The following PEAK1 variants were observed in gnomAD, a reference collection of about 807,000 sequenced individuals.
PEAK1 encodes the protein inactive tyrosine-protein kinase PEAK1.
A neutral mutation model predicts 124.7 loss-of-function variants in PEAK1; 54 were observed. The observed-to-expected ratio is 0.43, with a 90% CI of 0.35 to 0.54. PEAK1 has a LOEUF of 0.54. Ranked by LOEUF, PEAK1 falls within the 20% of genes least tolerant of loss-of-function variation. The pLI is 0.01. For synonymous variants in PEAK1, 719 were observed against 760.0 expected, an observed-to-expected ratio of 0.95 and a Z score of 0.89; for missense variants, 2,046 against 2,134.5, an observed-to-expected ratio of 0.96 and a Z score of 0.82.
At chr15:77,408,798 T>A (rs893421203) in intron 1 of PEAK1, among the ~76,000 whole-genome samples, 1 of 152,184 alleles carries the variant, frequency 6.6e-6, no homozygotes, top group Non-Finnish European at 1.5e-5. Context: ...AAGCAGGATG[T>A]GATGGCTCAT....
intron 2 of PEAK1, chr15:77,332,279 C>T (rs2065935054): frequency 2.0e-6 from 2 of 984,858 alleles, no homozygotes; most frequent in East Asian, 1.1e-4. Flanking sequence ...ACAGGAATAC[C>T]TGGTCACCAT....
At chr15:77,212,804 TTA>T in intron 6 of PEAK1, among the ~76,000 whole-genome samples, 1 of 152,314 alleles carries the variant, frequency 6.6e-6, no homozygotes, top group Non-Finnish European at 1.5e-5. Flanking sequence ...GCCTGGCTTT[TTA>T]TAGAGTGATA....
At chr15:77,140,458 TA>T (rs1408867156) in intron 8 of PEAK1, among the ~76,000 whole-genome samples, 1 of 152,144 alleles carries the variant, frequency 6.6e-6, no homozygotes, top group East Asian at 1.9e-4. Flanking sequence ...ATCAATGTAA[TA>T]TACCATGCCA....
chr15:77,268,546 T>G (rs1177373737), intron 5 of PEAK1, among the ~76,000 whole-genome samples: 1 of 151,764 alleles, frequency 6.6e-6, no homozygotes, highest in East Asian at 1.9e-4. Context: ...GAATAATTGG[T>G]GTTTCTGGGG....
At chr15:77,314,802 T>C (rs1567247026) in intron 2 of PEAK1, among the ~76,000 whole-genome samples, 1 of 152,218 alleles carries the variant, frequency 6.6e-6, no homozygotes, top group Non-Finnish European at 1.5e-5. Flanking sequence ...GAGTAACGTA[T>C]AAGCATGACA....
intron 6 of PEAK1, among the ~76,000 whole-genome samples, chr15:77,249,139 T>A (rs553726476): frequency 6.9e-6 from 1 of 145,038 alleles, no homozygotes; most frequent in African/African-American, 2.6e-5. Context: ...ACTATTGAAA[T>A]TTTTTTTTTT....
intron 2 of PEAK1, among the ~76,000 whole-genome samples, chr15:77,360,187 T>A (rs2067792731): frequency 6.6e-6 from 1 of 152,170 alleles, no homozygotes; most frequent in African/African-American, 2.4e-5. Context: ...GATATCTACA[T>A]ACAAATGAAT....
At chr15:77,122,243 C>T (rs940113801) in intron 9 of PEAK1, among the ~76,000 whole-genome samples, 2 of 152,126 alleles carry the variant, frequency 1.3e-5, no homozygotes, top group Admixed American at 1.3e-4. Context: ...TGAATTGCTG[C>T]AAAAATGTTC....
intron 6 of PEAK1, among the ~76,000 whole-genome samples, chr15:77,210,995 G>C (rs1343935643): frequency 6.6e-6 from 1 of 152,192 alleles, no homozygotes; most frequent in Admixed American, 6.5e-5. Flanking sequence ...TCTACTTCTA[G>C]ATCTGTGCTA....
intron 1 of PEAK1, chr15:77,419,376 G>A (rs1309828602): frequency 2.0e-6 from 2 of 985,310 alleles, no homozygotes; most frequent in Middle Eastern, 5.2e-4. Flanking sequence ...AAGAACGGAT[G>A]GGTCAAAGGG....
chr15:77,325,938 CATATAA>C (rs1208915018), intron 2 of PEAK1, among the ~76,000 whole-genome samples: 1 of 151,536 alleles, frequency 6.6e-6, no homozygotes. Context: ...GTAAGGTGAC[CATATAA>C]ATATAACAGA....
chr15:77,199,239 C>G (rs2058248643), intron 6 of PEAK1, among the ~76,000 whole-genome samples: 5 of 152,206 alleles, frequency 3.3e-5, no homozygotes, highest in Admixed American at 2.6e-4. Context: ...TCAGAAAGTA[C>G]TTTGCCAGTA....
intron 6 of PEAK1, among the ~76,000 whole-genome samples, chr15:77,244,963 T>C (rs1477787191): frequency 1.3e-5 from 2 of 152,214 alleles, no homozygotes; most frequent in African/African-American, 4.8e-5. Flanking sequence ...AGAATATTTA[T>C]TCATAATGTA....
intron 2 of PEAK1, among the ~76,000 whole-genome samples, chr15:77,312,670 C>T (rs1194717834): frequency 2.6e-5 from 4 of 152,224 alleles, no homozygotes; most frequent in Non-Finnish European, 4.4e-5. Context: ...TGTGCATTCC[C>T]TCGAATTTGT....
At chr15:77,311,608 G>A (rs186364752) in intron 2 of PEAK1, among the ~76,000 whole-genome samples, 102 of 148,770 alleles carry the variant, frequency 6.9e-4, no homozygotes, top group Non-Finnish European at 1.3e-3. Flanking sequence ...AAGAAGCGGA[G>A]GTTGCAGCAA....
intron 2 of PEAK1, among the ~76,000 whole-genome samples, chr15:77,359,209 G>A (rs1482665684): frequency 6.6e-6 from 1 of 152,022 alleles, no homozygotes; most frequent in African/African-American, 2.4e-5. Flanking sequence ...AGGCTAAGGC[G>A]GGAGGATCAC....
chr15:77,162,749 T>C (rs2055771294), intron 7 of PEAK1, among the ~76,000 whole-genome samples: 1 of 152,126 alleles, frequency 6.6e-6, no homozygotes, highest in Admixed American at 6.6e-5. Context: ...ACAAACTTGA[T>C]GGCATCAAGA....
Position 77,286,514 on chromosome 15 carries a change from G to A in PEAK1, c.-602-10C>T, listed in dbSNP as rs2062938360. 5 of 1,206,042 alleles carry A rather than the reference G, an allele frequency of 4.1e-6. No homozygotes were observed. Among genetic ancestry groups the A allele is most frequent in the Non-Finnish European group, 5.2e-6 (5 of 964,860 alleles). The allele number at this position is 1,206,042 out of a possible 1,614,324, so 74.7% of individuals were successfully genotyped here. A position where few individuals can be genotyped will look rare whatever the true frequency, so the allele number is the denominator to read the frequency against. Reference sequence around the variant, plus strand: ...CTCAAGTATTCTTTTCCTATTAGAAGATGCAAAGTGGGGAAGATATATTAA... The same window carrying A: ...CTCAAGTATTCTTTTCCTATTAGAAAATGCAAAGTGGGGAAGATATATTAA... On this transcript the variant is annotated splice_polypyrimidine_tract_variant and intron_variant, in intron 2 of 9. Coordinates refer to ENST00000682557, the MANE Select transcript of PEAK1 (RefSeq NM_001385026.1).
At chr15:77,224,398 T>C (rs1404369167) in intron 6 of PEAK1, among the ~76,000 whole-genome samples, 1 of 152,036 alleles carries the variant, frequency 6.6e-6, no homozygotes, top group Non-Finnish European at 1.5e-5. Context: ...ACACTGTTCT[T>C]TTGTCTGATG....
Sources: allele counts gnomAD v4.1 joint callset (sites outside exome capture counted in the v4.1 genomes callset), GRCh38; gene constraint gnomAD v4.1.1; transcripts MANE v1.5; gene names NCBI Gene and HGNC (gene_info 2026-07-23, HGNC 2026-07-21).